Variants in NYAP2 observed in about 807,000 individuals in gnomAD.
The protein encoded by NYAP2 is neuronal tyrosine-phosphorylated phosphoinositide-3-kinase adapter 2.
Under a neutral mutation model 50.4 loss-of-function variants are expected in NYAP2, and 23 were observed. The ratio of observed to expected loss-of-function variants is 0.46; its 90% confidence interval spans 0.33 to 0.65. The LOEUF (loss-of-function observed/expected upper bound fraction) is 0.65, where lower values mean the gene tolerates loss of function less well. Among genes scored for constraint, NYAP2 ranks in the 30% least tolerant of loss-of-function variants. The pLI, the probability that NYAP2 is intolerant of heterozygous loss-of-function variation, is 0.02. For synonymous variants in NYAP2, 394 were observed against 365.2 expected, an observed-to-expected ratio of 1.08 and a Z score of -0.90; for missense variants, 885 against 861.0, an observed-to-expected ratio of 1.03 and a Z score of -0.35.
intron 4 of NYAP2, among the ~76,000 whole-genome samples, chr2:225,559,902 C>G (rs958811101): frequency 6.6e-6 from 1 of 151,934 alleles, no homozygotes; most frequent in Non-Finnish European, 1.5e-5. Context: ...TTCCCAAGAA[C>G]CAAATTTCAT....
intron 3 of NYAP2, among the ~76,000 whole-genome samples, chr2:225,512,896 C>CCTTCCTTCCTTCCTTCCTTG (rs1224129197): frequency 3.8e-4 from 46 of 121,206 alleles, no homozygotes; most frequent in African/African-American, 1.4e-3. Flanking sequence ...TTCCTTCCTT[C>CCTTCCTTCCTTCCTTCCTTG]CTTTCCTTTC....
chr2:225,491,427 C>T (rs1690406142), intron 3 of NYAP2, among the ~76,000 whole-genome samples: 1 of 152,140 alleles, frequency 6.6e-6, no homozygotes, highest in African/African-American at 2.4e-5. Flanking sequence ...TATCATCTCA[C>T]CCTACCTATC....
At chr2:225,415,055 G>A (rs867900039) in intron 3 of NYAP2, among the ~76,000 whole-genome samples, 7 of 152,000 alleles carry the variant, frequency 4.6e-5, no homozygotes, top group Non-Finnish European at 8.8e-5. Context: ...CTCGACTTTA[G>A]CAAAGTGGTT....
At chr2:225,627,598 T>C (rs1184761430) in intron 6 of NYAP2, among the ~76,000 whole-genome samples, 5 of 152,232 alleles carry the variant, frequency 3.3e-5, no homozygotes, top group African/African-American at 1.2e-4. Flanking sequence ...AGGAGGCATC[T>C]GAAATCTTGA....
At chr2:225,543,702 T>G (rs60361942) in intron 4 of NYAP2, among the ~76,000 whole-genome samples, 4,191 of 152,174 alleles carry the variant, frequency 0.028, 182 homozygotes, top group African/African-American at 0.094. Context: ...CTTGAGAATG[T>G]TCCATGTGCT....
chr2:225,522,775 A>G (rs1691088323), intron 4 of NYAP2, among the ~76,000 whole-genome samples: 1 of 152,162 alleles, frequency 6.6e-6, no homozygotes, highest in Non-Finnish European at 1.5e-5. Context: ...TAGAGCCAGC[A>G]ATGAGTTAAA....
chr2:225,521,800 C>T (rs536116017), intron 4 of NYAP2, among the ~76,000 whole-genome samples: 4 of 151,894 alleles, frequency 2.6e-5, no homozygotes, highest in African/African-American at 7.3e-5. Context: ...AAATGAGTTA[C>T]GGAGGATTCC....
chr2:225,591,363 G>GT (rs1285266498), intron 5 of NYAP2, among the ~76,000 whole-genome samples: 2 of 152,148 alleles, frequency 1.3e-5, no homozygotes, highest in African/African-American at 4.8e-5. Flanking sequence ...GAATAAGGTA[G>GT]TAAGATTCTT....
chr2:225,658,811 C>T (rs1693866531), downstream of NYAP2, among the ~76,000 whole-genome samples: 1 of 152,156 alleles, frequency 6.6e-6, no homozygotes, highest in South Asian at 2.1e-4. Context: ...TATTTCCTTT[C>T]TACTTTAATA....
At chr2:225,403,447 T>A (rs374850628) in intron 2 of NYAP2, among the ~76,000 whole-genome samples, 1 of 152,020 alleles carries the variant, frequency 6.6e-6, no homozygotes, top group African/African-American at 2.4e-5. Context: ...ATTAGCATTA[T>A]AATAATCGCA....
intron 3 of NYAP2, among the ~76,000 whole-genome samples, chr2:225,450,187 T>C (rs757062331): frequency 5.9e-5 from 9 of 152,128 alleles, no homozygotes; most frequent in Non-Finnish European, 1.2e-4. Context: ...TTAGTAAGTA[T>C]AGAGTAGGGA....
At chr2:225,566,489 T>G (rs1334636113) in intron 4 of NYAP2, among the ~76,000 whole-genome samples, 4 of 152,206 alleles carry the variant, frequency 2.6e-5, no homozygotes, top group African/African-American at 9.6e-5. Flanking sequence ...ATTAATCGGA[T>G]TTTTCTCCCA....
rs151207605 is a variant in NYAP2, at chr2:225,543,525, G to C, written c.523+29853G>C. On this transcript the variant is annotated intron_variant, in intron 4 of 6. Coordinates refer to ENST00000636099, the Ensembl canonical transcript of NYAP2. Reference sequence around the variant, plus strand: ...CTTCTTGGACCCACTGGTCATTCAGGAGCATGTTGTTTAATTTCCATATGT... The same window carrying C: ...CTTCTTGGACCCACTGGTCATTCAGCAGCATGTTGTTTAATTTCCATATGT... Among the ~76,000 whole-genome samples, 608 of 152,016 alleles carry C rather than the reference G, an allele frequency of 4.0e-3. 2 individuals carry two copies. Among genetic ancestry groups the C allele is most frequent in the African/African-American group, 0.014 (590 of 41,512 alleles).
At chr2:225,402,349 C>A (rs1694876908) in intron 2 of NYAP2, among the ~76,000 whole-genome samples, 1 of 151,986 alleles carries the variant, frequency 6.6e-6, no homozygotes, top group Non-Finnish European at 1.5e-5. Flanking sequence ...AGATGGTTCC[C>A]ACTGTAGCTC....
chr2:225,654,355 T>A (rs1259274469), downstream of NYAP2, among the ~76,000 whole-genome samples: 1 of 152,056 alleles, frequency 6.6e-6, no homozygotes, highest in Non-Finnish European at 1.5e-5. Flanking sequence ...GACTTCTTAC[T>A]AGGAAAATCA....
At chr2:225,600,593 G>A (rs1171423888) in intron 5 of NYAP2, among the ~76,000 whole-genome samples, 1 of 152,172 alleles carries the variant, frequency 6.6e-6, no homozygotes, top group African/African-American at 2.4e-5. Context: ...GCAAGATGTA[G>A]TTGGTTAGGT....
intron 5 of NYAP2, among the ~76,000 whole-genome samples, chr2:225,608,351 G>A (rs1228208189): frequency 1.3e-5 from 2 of 152,108 alleles, no homozygotes; most frequent in Non-Finnish European, 2.9e-5. Context: ...CTGATAATGA[G>A]CCTGTGACCT....
At chr2:225,612,406 G>A (rs969427111) in intron 5 of NYAP2, among the ~76,000 whole-genome samples, 1 of 151,986 alleles carries the variant, frequency 6.6e-6, no homozygotes, top group Admixed American at 6.6e-5. Flanking sequence ...TTGCATTCAT[G>A]TCCTGGTTCC....
intron 3 of NYAP2, among the ~76,000 whole-genome samples, chr2:225,425,126 C>T (rs1439081434): frequency 6.6e-6 from 1 of 152,134 alleles, no homozygotes; most frequent in African/African-American, 2.4e-5. Context: ...GTCCCTAGCA[C>T]ACTCATGTCT....
Sources: allele counts gnomAD v4.1 joint callset (sites outside exome capture counted in the v4.1 genomes callset), GRCh38; gene constraint gnomAD v4.1.1; transcripts MANE v1.5; gene names NCBI Gene and HGNC (gene_info 2026-07-23, HGNC 2026-07-21).